THOC2: variants seen among roughly 807,000 people sequenced by gnomAD.
THOC2 encodes THO complex 2.
A neutral mutation model predicts 128.4 loss-of-function variants in THOC2; 10 were observed. The ratio of observed to expected loss-of-function variants is 0.08; its 90% CI spans 0.05 to 0.13. The LOEUF is 0.13. Ranked by LOEUF, THOC2 falls within the 10% of genes least tolerant of loss-of-function variation. The pLI, the probability that THOC2 is intolerant of heterozygous loss-of-function variation, is 1.00. For synonymous variants in THOC2, 393 were observed against 396.9 expected (o/e 0.99, Z 0.12); for missense variants, 535 against 1,155.7 (o/e 0.46, Z 7.79).
chrX:123,624,292 C>T (rs759418906), intron 26 of THOC2, 101 bp from the exon 27 acceptor site: 55 of 849,624 alleles, frequency 6.5e-5, no homozygotes, highest in Non-Finnish European at 8.6e-5. Context: ...CGTGTAAAAA[C>T]ATCATGCGTA....
chrX:123,603,189 A>G lies in THOC2; in HGVS notation c.*19-1851T>C, dbSNP rs574836041. 1.0e-4 allele frequency: 12 copies of G among 118,599 alleles called. No individual in the cohort carries two copies. In the South Asian group the frequency reaches 1.4e-3, roughly 14 times the overall value. The allele number at this position is 118,599 out of a possible 1,213,427, so 9.8% of individuals were successfully genotyped here. The stretch of plus-strand genomic sequence containing the variant: ...ATAAAGGTGCCACGTTACAAGAGGC[A>G]AGGGAAATTTTGGTGACACATTTAA... On this transcript the variant is annotated intron_variant, in intron 38 of 38. Coordinates refer to ENST00000245838, the MANE Select transcript of THOC2 (RefSeq NM_001081550.2).
intron 8 of THOC2, 40 bp downstream of exon 8, chrX:123,686,508 A>C: frequency 9.6e-7 from 1 of 1,046,487 alleles, no homozygotes; most frequent in South Asian, 2.4e-5. Flanking sequence ...AGATTAAGAA[A>C]TCAATCTCTA....
At position 123,671,754 on chromosome X, in the gene THOC2, T is replaced by C; in HGVS notation, c.776A>G (p.Asn259Ser). The change falls in exon 9 of 39, where the codon AAT becomes AGT. Residue 259 changes from asparagine to serine, a missense_variant. This residue lies in a region of THOC2 where 197 missense variants were observed against 313.4 expected (regional missense o/e 0.63). Transcript: ENST00000245838. The part of the protein sequence containing the change: ...GFKFKFYQEP[N>S]GETPSSLYRV... ...GTATAAAGATGATGGTGTCTCGCCA[T>C]TTGGTTCCTAGAAATATAAAAAAAA... 1 of 1,165,722 alleles carries C rather than the reference T, an allele frequency of 8.6e-7. No homozygotes were observed. The highest frequency in any genetic ancestry group is 1.2e-6 in the Non-Finnish European group (1 of 867,246).
chrX:123,603,527 G>A, intron 38 of THOC2: 2 of 843,454 alleles, frequency 2.4e-6, no homozygotes, highest in Admixed American at 4.8e-5. Context: ...CTTGCTGTAA[G>A]AAACTGCCTG....
At chrX:123,715,196 G>A (rs1056574868) in intron 1 of THOC2, among the ~76,000 whole-genome samples, 3 of 107,761 alleles carry the variant, frequency 2.8e-5, no homozygotes, top group Non-Finnish European at 5.7e-5. Context: ...ATGCCACCAT[G>A]CCCAGCTAAT....
At position 123,600,977 on chromosome X, in the gene THOC2, T is replaced by C. The variant is rs1217804628; in HGVS notation, c.*380A>G. 1.8e-5 allele frequency: 2 copies of C among 112,451 alleles called. No homozygotes were observed. Among genetic ancestry groups the C allele is most frequent in the East Asian group, 2.8e-4 (1 of 3,601 alleles). The allele number at this position is 112,451 out of a possible 1,213,427, so 9.3% of individuals were successfully genotyped here. On this transcript the variant is annotated 3_prime_UTR_variant, in exon 39 of 39. Coordinates refer to ENST00000245838, the MANE Select transcript of THOC2 (RefSeq NM_001081550.2). ...AAAAGGGTTCAACAATTGTTTATTT[T>C]CAGTTTCAAACAATAAAAAGGAAGC...
At position 123,619,409 on chromosome X, in the gene THOC2, A is replaced by C; in HGVS notation, c.4303T>G (p.Ser1435Ala). 1 of 1,183,550 alleles carries C rather than the reference A, an allele frequency of 8.4e-7. No homozygotes were observed. Among genetic ancestry groups the C allele is most frequent in the Non-Finnish European group, 1.1e-6 (1 of 873,601 alleles). ...TTTTAAAAGACTCAAACCTTTGCTG[A>C]AGATTCCTTGAGTTCGATGAGACTG... ...KDSLIELKES[S>A]AKLYINHTPP... Residue 1435 changes from serine (S) to alanine (A), a missense_variant, in exon 33 of 39, where the codon TCA becomes GCA. This residue lies in a region of THOC2 where 116 missense variants were observed against 180.0 expected (regional missense o/e 0.64). Transcript: ENST00000245838.
chrX:123,691,316 G>T (rs924673065), intron 7 of THOC2, among the ~76,000 whole-genome samples: 2 of 111,621 alleles, frequency 1.8e-5, no homozygotes, highest in African/African-American at 6.5e-5. Context: ...CTAACATATA[G>T]CCAAGAAACT....
At chrX:123,692,958 C>A (rs774893226) in intron 7 of THOC2, among the ~76,000 whole-genome samples, 1 of 111,238 alleles carries the variant, frequency 9.0e-6, no homozygotes, top group African/African-American at 3.3e-5. Context: ...CTAGACTGTT[C>A]CTAAACAGAA....
intron 10 of THOC2, among the ~76,000 whole-genome samples, chrX:123,667,669 T>C (rs1446905672): frequency 9.1e-6 from 1 of 109,920 alleles, no homozygotes; most frequent in Non-Finnish European, 1.9e-5. Context: ...GCCCAGGAGG[T>C]AGAAGGCTGC....
intron 22 of THOC2, among the ~76,000 whole-genome samples, chrX:123,629,693 G>C (rs1044782278): frequency 3.6e-5 from 4 of 111,598 alleles, no homozygotes; most frequent in African/African-American, 1.3e-4. Context: ...TACGAAAAAG[G>C]AGTCCCAATT....
chrX:123,715,252 G>C (rs1328385958), intron 1 of THOC2, among the ~76,000 whole-genome samples: 1 of 108,419 alleles, frequency 9.2e-6, no homozygotes. Flanking sequence ...TACCCAGGCT[G>C]GTTTGGAACT....
At chrX:123,619,520 G>A (rs1233833651) in intron 32 of THOC2, 84 bp from the exon 33 acceptor site, 9 of 1,089,377 alleles carry the variant, frequency 8.3e-6, no homozygotes, top group Non-Finnish European at 1.1e-5. Context: ...GCTGTAACCT[G>A]GAAATAAACC....
intron 4 of THOC2, among the ~76,000 whole-genome samples, chrX:123,703,245 A>T (rs2050776263): frequency 8.9e-6 from 1 of 112,025 alleles, no homozygotes. Context: ...CATTGTCAAA[A>T]ACTCAAACAA....
chrX:123,648,457 A>G (rs972484266), intron 12 of THOC2, among the ~76,000 whole-genome samples: 1 of 111,476 alleles, frequency 9.0e-6, no homozygotes, highest in East Asian at 2.8e-4. Context: ...ACACCAGGCG[A>G]GACAGAACCA....
Position 123,679,101 on chromosome X carries a change from C to T in THOC2, c.769-7340G>A, listed in dbSNP as rs762287167. ...AGTCATACCCATCAGAATACAAATG[C>T]GTTCTCTCTCCCATCTTAAAAAAAT... On this transcript the variant is annotated intron_variant, in intron 8 of 38. Coordinates refer to ENST00000245838, the MANE Select transcript of THOC2 (RefSeq NM_001081550.2). 9.9e-5 allele frequency among the ~76,000 whole-genome samples: 11 copies of T among 111,235 alleles called. No individual in the cohort carries two copies. In the East Asian group the frequency reaches 2.8e-3, roughly 29 times the overall value.
At chrX:123,692,792 G>A (rs749360629) in intron 7 of THOC2, among the ~76,000 whole-genome samples, 10 of 111,345 alleles carry the variant, frequency 9.0e-5, no homozygotes, top group Non-Finnish European at 1.5e-4. Context: ...TTCAGCCACC[G>A]CATCCAGCCA....
intron 33 of THOC2, among the ~76,000 whole-genome samples, chrX:123,618,833 C>T (rs1463564445): frequency 9.0e-6 from 1 of 111,462 alleles, no homozygotes; most frequent in African/African-American, 3.3e-5. Flanking sequence ...AACACAACCA[C>T]CGAGTATTCC....
At chrX:123,679,339 T>C (rs925977342) in intron 8 of THOC2, among the ~76,000 whole-genome samples, 3 of 111,719 alleles carry the variant, frequency 2.7e-5, no homozygotes, top group Non-Finnish European at 5.6e-5. Flanking sequence ...ATTTGATGGT[T>C]AATCATTCCT....
Sources: allele counts gnomAD v4.1 joint callset (sites outside exome capture counted in the v4.1 genomes callset), GRCh38; gene constraint gnomAD v4.1.1; regional missense constraint gnomAD v4.1.1; transcripts MANE v1.5; gene names NCBI Gene and HGNC (gene_info 2026-07-23, HGNC 2026-07-21).